SHANK2: variants seen among roughly 807,000 people sequenced by gnomAD.
The protein encoded by SHANK2 is SH3 and multiple ankyrin repeat domains 2.
SHANK2 carries 43 observed loss-of-function variants against 133.7 expected under a neutral mutation model. The observed-to-expected ratio is 0.32, with a 90% confidence interval of 0.25 to 0.41. The LOEUF is 0.41. SHANK2 is among the 10% of genes least tolerant of loss of function. The pLI is 1.00. For synonymous variants in SHANK2, 1,017 were observed against 952.8 expected, an observed-to-expected ratio of 1.07 and a Z score of -1.24; for missense variants, 1,994 against 2,235.8, an observed-to-expected ratio of 0.89 and a Z score of 2.18.
intron 14 of SHANK2, among the ~76,000 whole-genome samples, chr11:70,773,534 C>T (rs142115793): frequency 1.7e-4 from 26 of 152,332 alleles, no homozygotes; most frequent in Non-Finnish European, 3.4e-4. Flanking sequence ...GCTCAAAGGA[C>T]TACAGCCTCA....
intron 1 of SHANK2, among the ~76,000 whole-genome samples, chr11:71,240,203 C>T (rs534155720): frequency 3.9e-4 from 59 of 152,232 alleles, no homozygotes; most frequent in African/African-American, 1.4e-3. Flanking sequence ...AAACCCGCTG[C>T]GGGACCCAGA....
chr11:70,558,167 T>A (rs537297377), intron 17 of SHANK2, among the ~76,000 whole-genome samples: 22 of 152,240 alleles, frequency 1.4e-4, no homozygotes, highest in African/African-American at 5.3e-4. Context: ...GTTCTTTCTA[T>A]CTGGAGGTGT....
chr11:71,086,481 TTATA>T (rs1951420888), intron 8 of SHANK2, among the ~76,000 whole-genome samples: 1 of 140,122 alleles, frequency 7.1e-6, no homozygotes, highest in South Asian at 2.1e-4. Context: ...ATATAATTTG[TTATA>T]TAATTATGTA....
At chr11:71,126,927 G>A (rs11232148) in intron 3 of SHANK2, among the ~76,000 whole-genome samples, 8 of 151,978 alleles carry the variant, frequency 5.3e-5, no homozygotes, top group African/African-American at 7.3e-5. Context: ...GGATGATCTC[G>A]ATCTCCTAAC....
At chr11:70,657,681 T>C (rs1316637287) in intron 17 of SHANK2, among the ~76,000 whole-genome samples, 1 of 152,216 alleles carries the variant, frequency 6.6e-6, no homozygotes, top group Non-Finnish European at 1.5e-5. Context: ...GCAGCCCTAA[T>C]GCATCTCAGG....
At chr11:70,881,100 C>T (rs1264959253) in intron 11 of SHANK2, among the ~76,000 whole-genome samples, 7 of 152,192 alleles carry the variant, frequency 4.6e-5, no homozygotes, top group African/African-American at 1.7e-4. Flanking sequence ...CAAAGTGGCC[C>T]GATCATAGCT....
chr11:71,234,645 C>A (rs1954801770), intron 1 of SHANK2, among the ~76,000 whole-genome samples: 1 of 152,144 alleles, frequency 6.6e-6, no homozygotes. Context: ...AAAGCAGGGG[C>A]CTGGTCTCTG....
chr11:70,944,827 A>G (rs1950700628), intron 10 of SHANK2, among the ~76,000 whole-genome samples: 1 of 152,192 alleles, frequency 6.6e-6, no homozygotes, highest in Admixed American at 6.5e-5. Flanking sequence ...ACCTGATTCC[A>G]GGGCTCTCTT....
chr11:70,516,076 T>G (rs2059262471), intron 17 of SHANK2, among the ~76,000 whole-genome samples: 1 of 152,204 alleles, frequency 6.6e-6, no homozygotes, highest in Non-Finnish European at 1.5e-5. Context: ...GAGTAGCTCC[T>G]AAAAGACTAA....
chr11:71,095,469 A>T (rs2135130286), intron 6 of SHANK2, among the ~76,000 whole-genome samples: 1 of 152,322 alleles, frequency 6.6e-6, no homozygotes, highest in South Asian at 2.1e-4. Flanking sequence ...AGAGTTCCTC[A>T]TTTGAGAGGC....
chr11:71,131,609 G>A (rs1952309260), intron 3 of SHANK2, among the ~76,000 whole-genome samples: 1 of 152,194 alleles, frequency 6.6e-6, no homozygotes, highest in African/African-American at 2.4e-5. Context: ...GGTTCTGCCA[G>A]TGGTCCATGG....
chr11:71,109,276 T>C (rs1951851420), intron 6 of SHANK2, among the ~76,000 whole-genome samples: 2 of 152,072 alleles, frequency 1.3e-5, no homozygotes, highest in South Asian at 4.2e-4. Flanking sequence ...CAAGAGACTG[T>C]CACCTGGGGT....
chr11:70,951,587 GC>G (rs1555086665), intron 10 of SHANK2, among the ~76,000 whole-genome samples: 2 of 45,626 alleles, frequency 4.4e-5, no homozygotes, highest in East Asian at 1.1e-3. Flanking sequence ...TCCTCTGGCT[GC>G]TGTGCTGTGA....
rs145381218 is a variant in SHANK2, at chr11:70,740,477, G to C, written c.1778-41714C>G. Among the ~76,000 whole-genome samples, 13 of 152,154 alleles carry C rather than the reference G, an allele frequency of 8.5e-5. No individual in the cohort carries two copies. In the South Asian group the frequency reaches 2.5e-3, roughly 29 times the overall value. On this transcript the variant is annotated intron_variant, in intron 14 of 25. Coordinates refer to ENST00000601538, the MANE Select transcript of SHANK2 (RefSeq NM_012309.5). Reference sequence around the variant, plus strand: ...CACCTTGAGTTCCTGAAGCTTCCCCGGTCTTTTCTGGGTCTCTCAAATCCT... The same window carrying C: ...CACCTTGAGTTCCTGAAGCTTCCCCCGTCTTTTCTGGGTCTCTCAAATCCT...
At chr11:70,948,131 T>A (rs1306854811) in intron 10 of SHANK2, among the ~76,000 whole-genome samples, 1 of 152,198 alleles carries the variant, frequency 6.6e-6, no homozygotes, top group Non-Finnish European at 1.5e-5. Context: ...CCTCTTTTCC[T>A]GGTCTTTGCC....
chr11:70,756,391 G>A (rs556509248), intron 14 of SHANK2, among the ~76,000 whole-genome samples: 3 of 152,328 alleles, frequency 2.0e-5, no homozygotes, highest in South Asian at 2.1e-4. Flanking sequence ...TGGCCACGGT[G>A]CTGGGCCTAG....
intron 17 of SHANK2, among the ~76,000 whole-genome samples, chr11:70,585,688 C>T (rs2060239708): frequency 1.3e-5 from 2 of 151,858 alleles, no homozygotes; most frequent in South Asian, 2.1e-4. Flanking sequence ...ACTACCCACT[C>T]ATCTATCCAT....
At chr11:70,635,647 G>A (rs576267052) in intron 17 of SHANK2, among the ~76,000 whole-genome samples, 72 of 152,030 alleles carry the variant, frequency 4.7e-4, no homozygotes, top group Middle Eastern at 6.8e-3. Context: ...GATGGTGAAT[G>A]GAAATGTACT....
intron 17 of SHANK2, among the ~76,000 whole-genome samples, chr11:70,613,367 C>A (rs1201947814): frequency 6.6e-6 from 1 of 152,066 alleles, no homozygotes; most frequent in African/African-American, 2.4e-5. Context: ...CCATGTCCAG[C>A]TAATTTTTTG....
Sources: gnomAD v4.1 joint callset for allele counts (sites outside exome capture counted in the v4.1 genomes callset) on GRCh38, gnomAD v4.1.1 for gene constraint, MANE v1.5 for transcripts, NCBI Gene and HGNC (gene_info 2026-07-23, HGNC 2026-07-21) for gene names.